Variants in CNTN6 observed in about 807,000 individuals in gnomAD.
CNTN6 encodes contactin 6.
In CNTN6, 137 loss-of-function variants were observed where a neutral mutation model predicts 122.8. That is an observed-to-expected ratio of 1.12 (90% CI 0.97 to 1.29). The LOEUF is 1.29. Among genes scored for constraint, CNTN6 ranks in the 50% most tolerant of loss-of-function variants. The pLI, the probability that CNTN6 is intolerant of heterozygous loss-of-function variation, is 0.00. For missense variants in CNTN6, 1,634 were observed against 1,223.4 expected (o/e 1.34, Z -5.01); for synonymous variants, 570 against 426.0 (o/e 1.34, Z -4.16).
chr3:1,295,963 T>C (rs1032560635), intron 6 of CNTN6, among the ~76,000 whole-genome samples, 159 bp downstream of exon 6: 37 of 152,194 alleles, frequency 2.4e-4, no homozygotes, highest in African/African-American at 8.4e-4. Context: ...CAGAAAATTA[T>C]CTAATTCACC....
chr3:1,138,017 C>A (rs765014536), intron 1 of CNTN6, among the ~76,000 whole-genome samples: 9 of 152,240 alleles, frequency 5.9e-5, no homozygotes, highest in African/African-American at 9.6e-5. Flanking sequence ...CCTCTGCCTG[C>A]TAAATCCTCT....
chr3:1,242,510 A>G (rs907244226), intron 4 of CNTN6, among the ~76,000 whole-genome samples: 32 of 152,306 alleles, frequency 2.1e-4, no homozygotes, highest in African/African-American at 6.7e-4. Context: ...GCAAGTGATA[A>G]CAGGCTTTAA....
intron 4 of CNTN6, among the ~76,000 whole-genome samples, chr3:1,236,985 G>A (rs565069718): frequency 6.6e-6 from 1 of 152,052 alleles, no homozygotes; most frequent in East Asian, 2.0e-4. Flanking sequence ...GAAGGCTGAG[G>A]TAGGAGAATG....
chr3:1,399,606 A>G (rs17038711), intron 20 of CNTN6, among the ~76,000 whole-genome samples: 3,433 of 152,162 alleles, frequency 0.023, 133 homozygotes, highest in African/African-American at 0.079. Flanking sequence ...GGACAACATA[A>G]TGAATGGATT....
rs149405000 is a variant in CNTN6, at chr3:1,282,224, G to A, written c.454+3716G>A. Among the ~76,000 whole-genome samples the A allele has an allele frequency of 9.8e-3, 1,491 of 152,140 alleles. 10 individuals are homozygous for A. Among genetic ancestry groups the A allele is most frequent in the Non-Finnish European group, 0.015 (1,039 of 68,000 alleles). ...GAGCTGTCCTTTCTTCTGCGTAAAC[G>A]AAAGGAGGGCTGACTCCAGCATAGG... is the stretch of plus-strand genomic sequence containing the variant. On this transcript the variant is annotated intron_variant, in intron 5 of 22. Transcript: ENST00000446702.
At chr3:1,258,934 T>C (rs1036531829) in intron 4 of CNTN6, among the ~76,000 whole-genome samples, 3 of 152,132 alleles carry the variant, frequency 2.0e-5, no homozygotes, top group Non-Finnish European at 1.5e-5. Flanking sequence ...AGCCAGATAG[T>C]AAATATGTTT....
chr3:1,097,917 T>A (rs2090618700), intron 1 of CNTN6, among the ~76,000 whole-genome samples: 1 of 152,176 alleles, frequency 6.6e-6, no homozygotes. Flanking sequence ...GTATTGGGTA[T>A]TTAATAGAGA....
chr3:1,311,821 A>T (rs1379353183), intron 7 of CNTN6, among the ~76,000 whole-genome samples: 1 of 152,004 alleles, frequency 6.6e-6, no homozygotes, highest in East Asian at 1.9e-4. Flanking sequence ...TACCATGAAC[A>T]TATATGCAAG....
chr3:1,376,866 T>A (rs941259019), intron 16 of CNTN6, 139 bp from the exon 17 acceptor site: 2 of 563,982 alleles, frequency 3.5e-6, no homozygotes, highest in African/African-American at 3.8e-5. Context: ...TAAACATAAT[T>A]TACGTTCATT....
intron 1 of CNTN6, among the ~76,000 whole-genome samples, chr3:1,127,980 T>G (rs756098655): frequency 1.3e-5 from 2 of 151,936 alleles, no homozygotes; most frequent in Non-Finnish European, 2.9e-5. Flanking sequence ...GCCTACAGTT[T>G]CAAAGTTTTG....
chr3:1,389,476 C>A (rs1355072735), intron 20 of CNTN6, among the ~76,000 whole-genome samples: 3 of 152,038 alleles, frequency 2.0e-5, no homozygotes, highest in Non-Finnish European at 4.4e-5. Flanking sequence ...ATGTAAAGAC[C>A]ATCAAGACTA....
chr3:1,131,260 A>G (rs1190293839), intron 1 of CNTN6, among the ~76,000 whole-genome samples: 2 of 152,094 alleles, frequency 1.3e-5, no homozygotes, highest in African/African-American at 2.4e-5. Context: ...TTAATTATCC[A>G]TGACTAGTCA....
chr3:1,376,495 T>A (rs1301890231), intron 16 of CNTN6, among the ~76,000 whole-genome samples: 7 of 152,104 alleles, frequency 4.6e-5, no homozygotes, highest in Non-Finnish European at 1.5e-5. Flanking sequence ...TCCCGAGAGA[T>A]TTGAGATTGT....
At chr3:1,301,115 C>T (rs1697328296) in intron 7 of CNTN6, among the ~76,000 whole-genome samples, 1 of 147,838 alleles carries the variant, frequency 6.8e-6, no homozygotes, top group Admixed American at 6.8e-5. Flanking sequence ...CGGCTCACTG[C>T]AACCTCCGCG....
chr3:1,108,626 G>A (rs2091338308), intron 1 of CNTN6, among the ~76,000 whole-genome samples: 1 of 152,024 alleles, frequency 6.6e-6, no homozygotes, highest in Non-Finnish European at 1.5e-5. Flanking sequence ...GTTTCTACAT[G>A]TTTGGTGTAA....
At chr3:1,350,870 C>A (rs944464564) in intron 11 of CNTN6, among the ~76,000 whole-genome samples, 4 of 151,710 alleles carry the variant, frequency 2.6e-5, no homozygotes, top group African/African-American at 9.7e-5. Flanking sequence ...TCTTATAATT[C>A]AAATCAGATA....
intron 1 of CNTN6, among the ~76,000 whole-genome samples, chr3:1,099,099 A>T (rs928699167): frequency 6.6e-6 from 1 of 152,212 alleles, no homozygotes; most frequent in Non-Finnish European, 1.5e-5. Context: ...TATTGAAAGC[A>T]AACTTATTTA....
At chr3:1,349,600 T>A (rs1234842687) in intron 11 of CNTN6, among the ~76,000 whole-genome samples, 3 of 151,910 alleles carry the variant, frequency 2.0e-5, no homozygotes, top group Admixed American at 6.6e-5. Context: ...TACATGTGCA[T>A]TTTGCCTTAT....
In CNTN6 at chr3:1,271,915, C is replaced by T. The variant is rs149423231; in HGVS notation, c.359-6498C>T. Reference sequence around the variant, plus strand: ...CAGAGGGATATGGTTTTAATGTATCCCCACCCAAATCCCACATTAAATTGT... The same window carrying T: ...CAGAGGGATATGGTTTTAATGTATCTCCACCCAAATCCCACATTAAATTGT... On this transcript the variant is annotated intron_variant, in intron 4 of 22. Transcript: ENST00000446702. Among the ~76,000 whole-genome samples, 517 of 152,138 alleles carry T rather than the reference C, an allele frequency of 3.4e-3. 4 individuals are homozygous for T. Among genetic ancestry groups the T allele is most frequent in the African/African-American group, 0.011 (463 of 41,496 alleles).
Sources: allele counts gnomAD v4.1 joint callset (sites outside exome capture counted in the v4.1 genomes callset), GRCh38; gene constraint gnomAD v4.1.1; transcripts MANE v1.5; gene names NCBI Gene and HGNC (gene_info 2026-07-23, HGNC 2026-07-21).